The following RIN3 variants were observed in gnomAD, a reference collection of about 807,000 sequenced individuals.
RIN3 encodes Ras and Rab interactor 3.
A neutral mutation model predicts 76.3 loss-of-function variants in RIN3; 54 were observed. That is an observed-to-expected ratio of 0.71 (90% CI 0.57 to 0.89). RIN3 has a LOEUF of 0.89. Ranked by LOEUF, RIN3 falls within the 40% of genes least tolerant of loss-of-function variation. The pLI is 0.00. For missense variants in RIN3, 1,256 were observed against 1,322.1 expected (o/e 0.95, Z 0.78); for synonymous variants, 576 against 564.0 (o/e 1.02, Z -0.30).
intron 2 of RIN3, among the ~76,000 whole-genome samples, chr14:92,571,329 A>G (rs930576894): frequency 2.0e-5 from 3 of 152,162 alleles, no homozygotes; most frequent in African/African-American, 7.2e-5. Context: ...ACTCCAGAAG[A>G]AGGGGAGTGT....
intron 2 of RIN3, among the ~76,000 whole-genome samples, chr14:92,559,552 C>T (rs1897703790): frequency 6.6e-6 from 1 of 152,208 alleles, no homozygotes; most frequent in Non-Finnish European, 1.5e-5. Context: ...GGTGGGGACT[C>T]CATGCACCAA....
chr14:92,570,451 T>G (rs1898033734), intron 2 of RIN3, among the ~76,000 whole-genome samples: 1 of 152,116 alleles, frequency 6.6e-6, no homozygotes, highest in Non-Finnish European at 1.5e-5. Flanking sequence ...TCACTTGAGA[T>G]CAGGAGCTGG....
In RIN3 at chr14:92,552,607, G is replaced by T. The variant is rs1393336960; in HGVS notation, c.45-3144G>T. On this transcript the variant is annotated intron_variant, in intron 1 of 9. Transcript: ENST00000216487. The stretch of plus-strand genomic sequence containing the variant: ...GTCCCTCCTTGCACTTGCTCCAGGA[G>T]CAGGAATTGCAGGCTTGGGAGTTTG... 4.6e-5 allele frequency among the ~76,000 whole-genome samples: 7 copies of T among 152,144 alleles called. No homozygotes were observed. The South Asian group carries it at 1.5e-3, about 32-fold the overall frequency.
chr14:92,661,183 T>A (rs1382615776), intron 7 of RIN3, among the ~76,000 whole-genome samples: 3 of 152,170 alleles, frequency 2.0e-5, no homozygotes, highest in Non-Finnish European at 4.4e-5. Flanking sequence ...GTGGCCTCCA[T>A]GCACAGCACC....
At chr14:92,644,191 C>T (rs1239001115) in intron 5 of RIN3, among the ~76,000 whole-genome samples, 1 of 152,222 alleles carries the variant, frequency 6.6e-6, no homozygotes, top group East Asian at 1.9e-4. Flanking sequence ...CACCTCCCCA[C>T]CTTCTCTGTT....
intron 4 of RIN3, among the ~76,000 whole-genome samples, chr14:92,637,680 G>C (rs4900138): frequency 0.37 from 56,151 of 152,014 alleles, 11,103 homozygotes; most frequent in African/African-American, 0.51. Flanking sequence ...ATAGCACTTA[G>C]ATCACAGGAT....
chr14:92,528,457 T>C (rs1017426717), intron 1 of RIN3, among the ~76,000 whole-genome samples: 25 of 152,200 alleles, frequency 1.6e-4, no homozygotes, highest in Admixed American at 1.3e-4. Flanking sequence ...AGTGGACGTA[T>C]GTAAGGACCT....
chr14:92,595,002 A>G (rs1384817145), intron 3 of RIN3, among the ~76,000 whole-genome samples: 1 of 152,236 alleles, frequency 6.6e-6, no homozygotes, highest in Non-Finnish European at 1.5e-5. Flanking sequence ...ATATATGTGA[A>G]CATACCTAAA....
At chr14:92,618,921 T>A (rs1886070235) in intron 4 of RIN3, among the ~76,000 whole-genome samples, 1 of 152,244 alleles carries the variant, frequency 6.6e-6, no homozygotes, top group African/African-American at 2.4e-5. Flanking sequence ...CCATGCTTAA[T>A]TAACATTAGA....
chr14:92,646,720 C>A (rs1393809870), intron 5 of RIN3, among the ~76,000 whole-genome samples: 1 of 152,212 alleles, frequency 6.6e-6, no homozygotes, highest in Non-Finnish European at 1.5e-5. Flanking sequence ...GGATTACAGG[C>A]GTGAGCCACA....
At chr14:92,674,626 C>T (rs1888397249) in intron 7 of RIN3, among the ~76,000 whole-genome samples, 1 of 152,034 alleles carries the variant, frequency 6.6e-6, no homozygotes, top group Admixed American at 6.6e-5. Context: ...CTGTGGCTCA[C>T]ACCTGTAATC....
At chr14:92,653,494 T>C (rs1035500825) in intron 6 of RIN3, among the ~76,000 whole-genome samples, 5 of 152,090 alleles carry the variant, frequency 3.3e-5, no homozygotes, top group East Asian at 1.9e-4. Context: ...CTGCGCTCAC[T>C]CTCTGTCTTC....
Sources: gnomAD v4.1 joint callset for allele counts (sites outside exome capture counted in the v4.1 genomes callset) on GRCh38, gnomAD v4.1.1 for gene constraint, MANE v1.5 for transcripts, NCBI Gene and HGNC (gene_info 2026-07-23, HGNC 2026-07-21) for gene names.